Variants in TCF7L1 observed in about 807,000 individuals in gnomAD.
TCF7L1 encodes transcription factor 7-like 1.
In TCF7L1, 18 loss-of-function variants were observed where a neutral mutation model predicts 63.7. The observed-to-expected ratio is 0.28, with a 90% CI of 0.20 to 0.42. TCF7L1 has a LOEUF of 0.42. Ranked by LOEUF, TCF7L1 falls within the 10% of genes least tolerant of loss-of-function variation. The probability of loss-of-function intolerance (pLI) is 1.00; values close to 1 mark genes in which losing one functional copy is unlikely to be tolerated. For missense variants in TCF7L1, 654 were observed against 779.3 expected (o/e 0.84, Z 1.91); for synonymous variants, 355 against 340.9 (o/e 1.04, Z -0.46).
chr2:85,287,414 C>T (rs1420785891), intron 4 of TCF7L1, among the ~76,000 whole-genome samples: 1 of 152,112 alleles, frequency 6.6e-6, no homozygotes, highest in African/African-American at 2.4e-5. Context: ...ATCAAGAGAG[C>T]TGTAGAACTC....
At chr2:85,286,535 G>A (rs1681559467) in intron 4 of TCF7L1, among the ~76,000 whole-genome samples, 1 of 151,806 alleles carries the variant, frequency 6.6e-6, no homozygotes, top group Non-Finnish European at 1.5e-5. Context: ...TGCTCTTGTT[G>A]CTCAGGCTGG....
intron 3 of TCF7L1, among the ~76,000 whole-genome samples, chr2:85,144,943 G>A (rs896483760): frequency 6.6e-6 from 1 of 151,692 alleles, no homozygotes; most frequent in African/African-American, 2.4e-5. Flanking sequence ...AAATTAGCTG[G>A]GTGTGGTAGC....
chr2:85,204,455 C>T (rs1679350102), intron 3 of TCF7L1, among the ~76,000 whole-genome samples: 1 of 152,176 alleles, frequency 6.6e-6, no homozygotes, highest in South Asian at 2.1e-4. Context: ...AAAGAACATA[C>T]TTGAACACAC....
chr2:85,249,165 C>T (rs1285218931), intron 3 of TCF7L1, among the ~76,000 whole-genome samples: 1 of 152,192 alleles, frequency 6.6e-6, no homozygotes, highest in South Asian at 2.1e-4. Flanking sequence ...TCACTAGTTG[C>T]AGTTTTTCTC....
intron 3 of TCF7L1, among the ~76,000 whole-genome samples, chr2:85,221,420 A>G (rs1331728895): frequency 6.6e-6 from 1 of 152,242 alleles, no homozygotes; most frequent in Non-Finnish European, 1.5e-5. Context: ...ACAGCACACC[A>G]CAAACTGGGT....
rs1031760129 is a variant in TCF7L1, at chr2:85,236,174, A to C, written c.442-47321A>C. Among the ~76,000 whole-genome samples, 4 of 94,646 alleles carry C rather than the reference A, an allele frequency of 4.2e-5. No homozygotes were observed. The South Asian group carries it at 9.7e-4, about 23-fold the overall frequency. The allele number at this position is 94,646 out of a possible 152,430, so 62.1% of individuals were successfully genotyped here. A position where few individuals can be genotyped will look rare whatever the true frequency, so the allele number is the denominator to read the frequency against. On this transcript the variant is annotated intron_variant, in intron 3 of 11. Coordinates refer to ENST00000282111, the MANE Select transcript of TCF7L1 (RefSeq NM_031283.3). ...TCTCAAACCACGCCATCCCCCCCCC[A>C]AAAAAAACCCAACCTTGAGACTCAT...
chr2:85,286,598 C>T (rs1558656849), intron 4 of TCF7L1, among the ~76,000 whole-genome samples: 3 of 152,038 alleles, frequency 2.0e-5, no homozygotes, highest in Non-Finnish European at 4.4e-5. Context: ...TGGGTTCAAG[C>T]GATTCTCCTG....
intron 3 of TCF7L1, among the ~76,000 whole-genome samples, chr2:85,264,948 G>A (rs1235861511): frequency 6.6e-6 from 1 of 152,148 alleles, no homozygotes; most frequent in Non-Finnish European, 1.5e-5. Context: ...AATTTATGAG[G>A]GCTGCTGTCA....
intron 3 of TCF7L1, among the ~76,000 whole-genome samples, chr2:85,158,424 C>G (rs1056056238): frequency 3.9e-5 from 6 of 152,256 alleles, no homozygotes; most frequent in African/African-American, 1.4e-4. Context: ...AGGCCCAAAC[C>G]CCTGCAGGCT....
intron 3 of TCF7L1, among the ~76,000 whole-genome samples, chr2:85,153,326 G>T (rs1678063700): frequency 7.2e-6 from 1 of 138,098 alleles, no homozygotes; most frequent in African/African-American, 2.9e-5. Context: ...TCATGATCTT[G>T]CTAGCCTTTA....
At chr2:85,305,869 G>C (rs1682094801) in intron 8 of TCF7L1, among the ~76,000 whole-genome samples, 1 of 152,106 alleles carries the variant, frequency 6.6e-6, no homozygotes, top group African/African-American at 2.4e-5. Flanking sequence ...CTCCCAACTT[G>C]GTTCTGCCCA....
intron 4 of TCF7L1, among the ~76,000 whole-genome samples, chr2:85,298,328 T>C (rs1178161518): frequency 6.6e-6 from 1 of 150,472 alleles, no homozygotes; most frequent in Non-Finnish European, 1.5e-5. Context: ...CCGTCTCTAC[T>C]AAAAATACAA....
intron 3 of TCF7L1, among the ~76,000 whole-genome samples, chr2:85,262,546 A>G (rs2104347906): frequency 6.6e-6 from 1 of 152,300 alleles, no homozygotes; most frequent in South Asian, 2.1e-4. Context: ...AAACACGAGC[A>G]TTTCCAAGCA....
chr2:85,163,575 G>A (rs906050894), intron 3 of TCF7L1, among the ~76,000 whole-genome samples: 3 of 152,204 alleles, frequency 2.0e-5, no homozygotes, highest in African/African-American at 4.8e-5. Context: ...CCATACGTTT[G>A]ATTTTGAATG....
chr2:85,158,370 A>G (rs940364273), intron 3 of TCF7L1, among the ~76,000 whole-genome samples: 1 of 152,170 alleles, frequency 6.6e-6, no homozygotes, highest in Non-Finnish European at 1.5e-5. Flanking sequence ...CCAGGAGACC[A>G]TGCACATGAC....
intron 3 of TCF7L1, among the ~76,000 whole-genome samples, chr2:85,153,530 A>G (rs1471464589): frequency 6.6e-6 from 1 of 151,798 alleles, no homozygotes; most frequent in Non-Finnish European, 1.5e-5. Flanking sequence ...TTTAGTAAAG[A>G]TGGGATTTCA....
At chr2:85,263,470 CA>C (rs954173272) in intron 3 of TCF7L1, among the ~76,000 whole-genome samples, 6 of 152,118 alleles carry the variant, frequency 3.9e-5, no homozygotes, top group African/African-American at 1.4e-4. Flanking sequence ...GTTAGAATGA[CA>C]AGACTTGGTC....
chr2:85,243,856 C>T (rs372528537), intron 3 of TCF7L1, among the ~76,000 whole-genome samples: 7 of 152,148 alleles, frequency 4.6e-5, no homozygotes, highest in Admixed American at 2.0e-4. Flanking sequence ...CTGCTAGCCA[C>T]GGACCACATT....
Position 85,302,577 on chromosome 2 carries a change from C to CCGA in TCF7L1, c.620_621insGAC (p.Pro207_Pro208insThr). On this transcript the variant is annotated inframe_insertion, in exon 5 of 12. Coordinates refer to ENST00000282111, the MANE Select transcript of TCF7L1 (RefSeq NM_031283.3). Reference sequence around the variant, plus strand: ...CAATGACCACTTCTCCCCCGGCTCCCCTCCCACCCACCTCTCCCCAGAGAT... The same window carrying CCGA: ...CAATGACCACTTCTCCCCCGGCTCCCCGACTCCCACCCACCTCTCCCCAGAGAT... 1 of 1,586,826 alleles carries CCGA rather than the reference C, an allele frequency of 6.3e-7. No individual in the cohort carries two copies. The highest frequency in any genetic ancestry group is 8.6e-7 in the Non-Finnish European group (1 of 1,157,454).
Sources: allele counts gnomAD v4.1 joint callset (sites outside exome capture counted in the v4.1 genomes callset), GRCh38; gene constraint gnomAD v4.1.1; transcripts MANE v1.5; gene names NCBI Gene and HGNC (gene_info 2026-07-23, HGNC 2026-07-21).